Variants in SPDYC observed in about 807,000 individuals in gnomAD.
SPDYC encodes the protein speedy/RINGO cell cycle regulator family member C, also known as speedy protein C.
SPDYC carries 25 observed loss-of-function variants against 33.9 expected under a neutral mutation model. The ratio of observed to expected loss-of-function variants is 0.74; its 90% CI spans 0.54 to 1.03. The LOEUF (loss-of-function observed/expected upper bound fraction) is 1.03. SPDYC is among the 50% of genes least tolerant of loss of function. SPDYC has a pLI of 0.00. For synonymous variants in SPDYC, 133 were observed against 140.2 expected, an observed-to-expected ratio of 0.95 and a Z score of 0.36; for missense variants, 349 against 382.9, an observed-to-expected ratio of 0.91 and a Z score of 0.74.
chr11:65,171,642 G>A, intron 2 of SPDYC, 143 bp downstream of exon 2: 2 of 1,044,866 alleles, frequency 1.9e-6, no homozygotes, highest in Non-Finnish European at 2.7e-6. Context: ...GCAGGTGGGA[G>A]GGGTGTCCTC....
At chr11:65,172,719 T>G (rs777236335) in exon 6 of SPDYC, 1 of 1,611,114 alleles carries the variant, frequency 6.2e-7, no homozygotes, top group South Asian at 1.1e-5. Context: ...GGGCTTGGAC[T>G]CGGGACCGGC....
Position 65,173,178 on chromosome 11 carries a change from C to T in SPDYC, c.848-5C>T, listed in dbSNP as rs781420125. On this transcript the variant is annotated splice_polypyrimidine_tract_variant and splice_region_variant and intron_variant, in intron 6 of 6. Transcript: ENST00000377185. ...TCTCTGAGCCTCACTCTTTCCTCTC[C>T]CCAGTCTTCCCAAAGCCTCCGGCAC... 22 of 1,613,836 alleles carry T rather than the reference C, an allele frequency of 1.4e-5. No homozygotes were observed. The highest frequency in any genetic ancestry group is 1.9e-5 in the Non-Finnish European group (22 of 1,179,950).
intron 3 of SPDYC, 112 bp downstream of exon 3, chr11:65,172,113 T>C: frequency 6.7e-7 from 1 of 1,490,150 alleles, no homozygotes; most frequent in South Asian, 1.1e-5. Flanking sequence ...CCCCTCATCT[T>C]TGCACACCAC....
At chr11:65,172,984 C>G (rs1948456927) in exon 6 of SPDYC, 1 of 1,613,804 alleles carries the variant, frequency 6.2e-7, no homozygotes, top group African/African-American at 1.3e-5. Context: ...TCCCCAGATG[C>G]AACTGGAACC....
At chr11:65,171,361 A>C in exon 2 of SPDYC, 1 of 1,612,416 alleles carries the variant, frequency 6.2e-7, no homozygotes, top group Non-Finnish European at 8.5e-7. Context: ...CTATGAGATG[A>C]GTGACTCCCA....
At chr11:65,172,689 G>T (rs1321130335) in exon 6 of SPDYC, 1 of 1,602,934 alleles carries the variant, frequency 6.2e-7, no homozygotes, top group African/African-American at 1.3e-5. Context: ...CCCAGGTCAT[G>T]GCAAAGGAGC....
At position 65,172,217 on chromosome 11, in the gene SPDYC, TAACCCCCCACCCCGATC is replaced by T; in HGVS notation, c.259-28_259-12del. The T allele has an allele frequency of 6.2e-7, 1 of 1,613,336 alleles. No homozygotes were observed. On this transcript the variant is annotated splice_polypyrimidine_tract_variant and intron_variant, in intron 3 of 6. Coordinates refer to ENST00000377185, the Ensembl canonical transcript of SPDYC. The stretch of plus-strand genomic sequence containing the variant: ...AAGCCCCTCCTCCTCAGAGAATAAC[TAACCCCCCACCCCGATC>T]TGTCTCTGCAGTATCTCCTGGCCAT...
At chr11:65,173,062 G>A in intron 6 of SPDYC, 48 bp downstream of exon 6, 2 of 1,601,470 alleles carry the variant, frequency 1.2e-6, no homozygotes, top group African/African-American at 2.7e-5. Context: ...GGGAGCTTGG[G>A]AGGCAGGAGT....
chr11:65,171,571 CACCT>C (rs2137288586), intron 2 of SPDYC, 72 bp downstream of exon 2: 1 of 1,417,846 alleles, frequency 7.1e-7, no homozygotes, highest in Non-Finnish European at 9.3e-7. Flanking sequence ...TGTGGGGTCT[CACCT>C]GCCTGTACAG....
chr11:65,173,011 C>T (rs371319803), exon 6 of SPDYC: 31 of 1,613,002 alleles, frequency 1.9e-5, no homozygotes, highest in East Asian at 6.7e-5. Flanking sequence ...CTACTCCCTC[C>T]GCAGTGAGTG....
chr11:65,170,251 C>A (rs1357664561), exon 1 of SPDYC: 1 of 1,578,746 alleles, frequency 6.3e-7, no homozygotes, highest in Non-Finnish European at 8.6e-7. Context: ...CTGGGCCATT[C>A]CTGAGCTCGG....
At position 65,173,182 on chromosome 11, in the gene SPDYC, G is replaced by A. The variant is rs754799159; in HGVS notation, c.848-1G>A. The A allele has an allele frequency of 6.2e-7, 1 of 1,613,994 alleles. No homozygotes were observed. Among genetic ancestry groups the A allele is most frequent in the Admixed American group, 1.7e-5 (1 of 60,016 alleles). On this transcript the variant is annotated splice_acceptor_variant, in intron 6 of 6. Transcript: ENST00000377185. LOFTEE classifies it high-confidence loss of function. ...TGAGCCTCACTCTTTCCTCTCCCCA[G>A]TCTTCCCAAAGCCTCCGGCACGCCC...
chr11:65,172,805 C>T (rs371287719), exon 6 of SPDYC: 18 of 1,613,972 alleles, frequency 1.1e-5, no homozygotes, highest in African/African-American at 5.3e-5. Context: ...GGCCTCTCGC[C>T]GCCCCACTGT....
chr11:65,173,136 G>A (rs375548930), intron 6 of SPDYC, 47 bp from the exon 7 acceptor site: 20 of 1,611,236 alleles, frequency 1.2e-5, no homozygotes, highest in Middle Eastern at 3.3e-4. Flanking sequence ...CCTCCCGTGT[G>A]AGCTTGGCAG....
At chr11:65,172,798 C>T (rs1326619803) in exon 6 of SPDYC, 2 of 1,614,096 alleles carry the variant, frequency 1.2e-6, no homozygotes, top group East Asian at 2.2e-5. Flanking sequence ...GGGCCCTGGC[C>T]TCTCGCCGCC....
intron 1 of SPDYC, 115 bp downstream of exon 1, chr11:65,170,376 C>T (rs1948418858): frequency 9.2e-7 from 1 of 1,083,914 alleles, no homozygotes; most frequent in Non-Finnish European, 1.2e-6. Flanking sequence ...GTTGGCTTCT[C>T]TCTCTCAGGG....
intron 1 of SPDYC, among the ~76,000 whole-genome samples, chr11:65,171,082 T>C (rs951367590): frequency 4.6e-5 from 7 of 152,090 alleles, no homozygotes; most frequent in African/African-American, 1.7e-4. Flanking sequence ...GCGGTGCTTG[T>C]TGCTGCTGTT....
At chr11:65,173,124 C>A in intron 6 of SPDYC, 59 bp from the exon 7 acceptor site, 1 of 1,606,450 alleles carries the variant, frequency 6.2e-7, no homozygotes, top group Non-Finnish European at 8.5e-7. Context: ...CGACGTGCTG[C>A]CCCTCCCGTG....
chr11:65,172,915 C>G (rs1948455456), exon 6 of SPDYC: 1 of 1,613,818 alleles, frequency 6.2e-7, no homozygotes, highest in Non-Finnish European at 8.5e-7. Flanking sequence ...CCCTCCCTCC[C>G]AAAATTATCT....
Sources: gnomAD v4.1 joint callset for allele counts (sites outside exome capture counted in the v4.1 genomes callset) on GRCh38, gnomAD v4.1.1 for gene constraint, MANE v1.5 for transcripts, NCBI Gene and HGNC (gene_info 2026-07-23, HGNC 2026-07-21) for gene names.